PTPRD: variants seen among roughly 807,000 people sequenced by gnomAD.
PTPRD encodes the protein receptor-type tyrosine-protein phosphatase delta.
PTPRD carries 34 observed loss-of-function variants against 214.5 expected under a neutral mutation model. The observed-to-expected ratio is 0.16, with a 90% CI of 0.12 to 0.21. The LOEUF is 0.21. Among genes scored for constraint, PTPRD ranks in the 10% least tolerant of loss-of-function variants. The probability of loss-of-function intolerance (pLI) is 1.00; values close to 1 mark genes in which losing one functional copy is unlikely to be tolerated. For missense variants in PTPRD, 2,545 were observed against 2,398.7 expected, an observed-to-expected ratio of 1.06 and a Z score of -1.27; for synonymous variants, 1,128 against 845.7, an observed-to-expected ratio of 1.33 and a Z score of -5.79.
At chr9:9,183,187 A>G (rs1316038558) in intron 10 of PTPRD, 117 bp downstream of exon 10, 1 of 152,008 alleles carries the variant, frequency 6.6e-6, no homozygotes, top group African/African-American at 2.4e-5. Context: ...ATGTTTGAGT[A>G]TTTTATCCAT....
At chr9:8,809,633 C>T (rs2096760105) in intron 11 of PTPRD, among the ~76,000 whole-genome samples, 1 of 152,120 alleles carries the variant, frequency 6.6e-6, no homozygotes, top group South Asian at 2.1e-4. Flanking sequence ...TGAGCAGATA[C>T]CTGAAAAATT....
intron 3 of PTPRD, among the ~76,000 whole-genome samples, chr9:10,306,960 G>C (rs1012547991): frequency 1.3e-5 from 2 of 152,094 alleles, no homozygotes; most frequent in African/African-American, 4.8e-5. Flanking sequence ...CTATTTGAAA[G>C]TGTTTATGGG....
rs144950368 is a variant in PTPRD, at chr9:10,068,252, G to A, written c.-544-34462C>T. 8.3e-4 allele frequency among the ~76,000 whole-genome samples: 126 copies of A among 151,950 alleles called. 1 individual carries two copies. Among genetic ancestry groups the A allele is most frequent in the African/African-American group, 2.9e-3 (120 of 41,496 alleles). ...CAAATCTGCCATTTGCTGGATAACC[G>A]AATGTGGAAAAGGTGGTGAAAAGCC... On this transcript the variant is annotated intron_variant, in intron 3 of 45. Transcript: ENST00000381196.
chr9:9,855,261 C>T (rs554345374), intron 5 of PTPRD, among the ~76,000 whole-genome samples: 1 of 152,060 alleles, frequency 6.6e-6, no homozygotes, highest in African/African-American at 2.4e-5. Context: ...AAGGAAAAGC[C>T]AAAGGATCTA....
At chr9:10,445,918 G>C (rs2098795550) in intron 2 of PTPRD, among the ~76,000 whole-genome samples, 1 of 152,018 alleles carries the variant, frequency 6.6e-6, no homozygotes, top group South Asian at 2.1e-4. Context: ...GTAGGAGTTT[G>C]GTTTGCTTGT....
chr9:8,445,989 T>C (rs192293055), intron 34 of PTPRD, among the ~76,000 whole-genome samples: 6 of 152,274 alleles, frequency 3.9e-5, no homozygotes, highest in African/African-American at 1.2e-4. Context: ...AGCTACTTCT[T>C]TGGAAGGCTC....
chr9:9,906,166 C>T (rs926287414), intron 5 of PTPRD, among the ~76,000 whole-genome samples: 1 of 151,700 alleles, frequency 6.6e-6, no homozygotes, highest in Non-Finnish European at 1.5e-5. Flanking sequence ...GAGTGTCAGG[C>T]TCTAGTAAGG....
chr9:8,971,107 C>T (rs2099235484), intron 11 of PTPRD, among the ~76,000 whole-genome samples: 1 of 151,646 alleles, frequency 6.6e-6, no homozygotes. Flanking sequence ...GAAAACAATT[C>T]TTCAAATGTG....
intron 3 of PTPRD, among the ~76,000 whole-genome samples, chr9:10,143,364 T>C (rs1391330233): frequency 2.0e-5 from 3 of 152,124 alleles, no homozygotes; most frequent in Admixed American, 6.6e-5. Flanking sequence ...TGAGATATCA[T>C]CTTACACCAG....
intron 14 of PTPRD, among the ~76,000 whole-genome samples, chr9:8,627,873 C>T (rs1178227365): frequency 2.0e-5 from 3 of 151,828 alleles, no homozygotes; most frequent in Admixed American, 6.6e-5. Flanking sequence ...AAGTCAGGAG[C>T]GTCTGTTCAC....
chr9:9,684,596 T>C (rs182575912), intron 7 of PTPRD, among the ~76,000 whole-genome samples: 5 of 151,814 alleles, frequency 3.3e-5, no homozygotes, highest in African/African-American at 1.2e-4. Context: ...GGCAGGAACT[T>C]CCTTCTTAAA....
At chr9:9,671,863 T>A (rs562115744) in intron 7 of PTPRD, among the ~76,000 whole-genome samples, 2 of 152,298 alleles carry the variant, frequency 1.3e-5, no homozygotes, top group East Asian at 3.9e-4. Context: ...ATCAGCAGCA[T>A]GAAAATGGAC....
At chr9:10,300,263 C>T (rs190963154) in intron 3 of PTPRD, among the ~76,000 whole-genome samples, 13 of 152,236 alleles carry the variant, frequency 8.5e-5, no homozygotes, top group African/African-American at 2.6e-4. Context: ...CTTCACAACC[C>T]GCAGAACAGG....
chr9:9,479,644 AG>A (rs1427390805), intron 8 of PTPRD, among the ~76,000 whole-genome samples: 1 of 152,178 alleles, frequency 6.6e-6, no homozygotes, highest in Admixed American at 6.6e-5. Flanking sequence ...TCCAAATAAC[AG>A]AAATTATTTG....
rs192910328 is a variant in PTPRD, at chr9:9,345,134, G to T, written c.-203+52315C>A. ...TGAGATTTTCTGACTCTGAAAGTGAGATTTTACAAATGCTAATTTTAGGAC... is the reference window on the plus strand; with the variant it reads ...TGAGATTTTCTGACTCTGAAAGTGATATTTTACAAATGCTAATTTTAGGAC... On this transcript the variant is annotated intron_variant, in intron 9 of 45. Transcript: ENST00000381196. Among the ~76,000 whole-genome samples the T allele has an allele frequency of 2.0e-5, 3 of 152,228 alleles. No individual in the cohort carries two copies. In the East Asian group the frequency reaches 5.8e-4, roughly 29 times the overall value.
intron 8 of PTPRD, among the ~76,000 whole-genome samples, chr9:9,519,066 C>T (rs1397674468): frequency 6.6e-6 from 1 of 151,896 alleles, no homozygotes; most frequent in African/African-American, 2.4e-5. Flanking sequence ...AACAATTAAT[C>T]TCCATGTGTT....
Position 8,316,957 on chromosome 9 carries a change from C to G in PTPRD, c.*917G>C, listed in dbSNP as rs1215476406. The G allele has an allele frequency of 4.3e-6, 1 of 231,316 alleles. No individual in the cohort carries two copies. Among genetic ancestry groups the G allele is most frequent in the Middle Eastern group, 1.3e-3 (1 of 794 alleles). The allele number at this position is 231,316 out of a possible 1,614,324, so 14.3% of individuals were successfully genotyped here. A position where few individuals can be genotyped will look rare whatever the true frequency, so the allele number is the denominator to read the frequency against. ...CACTGTCTATATATACATAGACACC[C>G]TTATAAAATATGGATATATATGTAT... On this transcript the variant is annotated 3_prime_UTR_variant, in exon 46 of 46. Transcript: ENST00000381196.
chr9:10,263,591 T>C (rs1458732862), intron 3 of PTPRD, among the ~76,000 whole-genome samples: 1 of 152,114 alleles, frequency 6.6e-6, no homozygotes, highest in East Asian at 1.9e-4. Context: ...ATTTAAGGTA[T>C]CTGGCGGAAG....
At chr9:8,684,499 C>T (rs577359313) in intron 12 of PTPRD, among the ~76,000 whole-genome samples, 1 of 152,136 alleles carries the variant, frequency 6.6e-6, no homozygotes, top group African/African-American at 2.4e-5. Flanking sequence ...TACAAGTTCA[C>T]ACTGCAGAGG....
Sources: gnomAD v4.1 joint callset for allele counts (sites outside exome capture counted in the v4.1 genomes callset) on GRCh38, gnomAD v4.1.1 for gene constraint, MANE v1.5 for transcripts, NCBI Gene and HGNC (gene_info 2026-07-23, HGNC 2026-07-21) for gene names.